Variants in BCL2L1 observed in about 807,000 individuals in gnomAD.
BCL2L1 encodes the protein BCL2 like 1.
BCL2L1 carries 1 observed loss-of-function variant against 18.7 expected under a neutral mutation model. The ratio of observed to expected loss-of-function variants is 0.05; its 90% CI spans 0.02 to 0.25. The LOEUF (loss-of-function observed/expected upper bound fraction) is 0.25. BCL2L1 is among the 10% of genes least tolerant of loss of function. BCL2L1 has a pLI of 1.00. For missense variants in BCL2L1, 207 were observed against 304.9 expected, an observed-to-expected ratio of 0.68 and a Z score of 2.39; for synonymous variants, 103 against 122.7, an observed-to-expected ratio of 0.84 and a Z score of 1.06.
intron 2 of BCL2L1, among the ~76,000 whole-genome samples, chr20:31,689,920 G>A (rs993476979): frequency 1.1e-4 from 16 of 152,230 alleles, no homozygotes; most frequent in African/African-American, 2.9e-4. Flanking sequence ...GGGAGGCTGA[G>A]GCAGGAGAAT....
At chr20:31,687,468 G>A (rs2060978607) in intron 2 of BCL2L1, among the ~76,000 whole-genome samples, 1 of 151,846 alleles carries the variant, frequency 6.6e-6, no homozygotes, top group African/African-American at 2.4e-5. Context: ...GAGGTCAGGA[G>A]ATCGAGACCA....
chr20:31,716,326 T>C (rs2061536578), intron 2 of BCL2L1, among the ~76,000 whole-genome samples: 1 of 152,176 alleles, frequency 6.6e-6, no homozygotes, highest in Admixed American at 6.5e-5. Flanking sequence ...ACATGCCCTA[T>C]GCCCCAACCT....
intron 2 of BCL2L1, among the ~76,000 whole-genome samples, chr20:31,696,476 G>A (rs984662846): frequency 6.6e-6 from 1 of 152,218 alleles, no homozygotes; most frequent in Admixed American, 6.5e-5. Flanking sequence ...GAAGGAGTAA[G>A]CCTGGGCAGT....
At chr20:31,683,333 C>T (rs1049486510) in intron 2 of BCL2L1, among the ~76,000 whole-genome samples, 4 of 152,186 alleles carry the variant, frequency 2.6e-5, no homozygotes, top group Non-Finnish European at 5.9e-5. Flanking sequence ...ATGGTTTCCT[C>T]CCTCAGACAG....
intron 2 of BCL2L1, among the ~76,000 whole-genome samples, chr20:31,687,550 G>A (rs1309517427): frequency 2.0e-5 from 3 of 151,652 alleles, no homozygotes; most frequent in African/African-American, 7.3e-5. Context: ...GGTGGCACGC[G>A]CCTGTAATCC....
At chr20:31,702,296 G>A (rs1302656624) in intron 2 of BCL2L1, among the ~76,000 whole-genome samples, 1 of 152,138 alleles carries the variant, frequency 6.6e-6, no homozygotes, top group Non-Finnish European at 1.5e-5. Context: ...AATGATGGAG[G>A]GGCAGCCAGG....
At chr20:31,717,083 T>C (rs770726679) in intron 2 of BCL2L1, among the ~76,000 whole-genome samples, 7 of 152,188 alleles carry the variant, frequency 4.6e-5, no homozygotes, top group African/African-American at 1.7e-4. Flanking sequence ...GGGCCTCTGC[T>C]TAATTAAGGC....
chr20:31,668,601 GC>G (rs908401126), intron 2 of BCL2L1, among the ~76,000 whole-genome samples: 1 of 141,960 alleles, frequency 7.0e-6, no homozygotes, highest in Non-Finnish European at 1.5e-5. Context: ...ACCATATCTG[GC>G]CTTTTTTTTT....
chr20:31,712,895 A>T (rs895065165), intron 2 of BCL2L1, among the ~76,000 whole-genome samples: 5 of 152,078 alleles, frequency 3.3e-5, no homozygotes, highest in Admixed American at 1.3e-4. Context: ...TCCTCAGATG[A>T]TTGTCCAACA....
At chr20:31,697,890 C>CTTTTTTTTTTTTTTTTTTTTTTTT (rs2061202499) in intron 2 of BCL2L1, among the ~76,000 whole-genome samples, 1 of 78,816 alleles carries the variant, frequency 1.3e-5, no homozygotes, top group African/African-American at 1.2e-4. Flanking sequence ...TGTGCTGTTG[C>CTTTTTTTTTTTTTTTTTTTTTTTT]TGTTTTTTTT....
chr20:31,694,911 C>T (rs1040540841), intron 2 of BCL2L1, among the ~76,000 whole-genome samples: 4 of 152,042 alleles, frequency 2.6e-5, no homozygotes, highest in African/African-American at 4.8e-5. Flanking sequence ...CTCAAAACAA[C>T]AACAAAAACA....
At position 31,708,618 on chromosome 20, in the gene BCL2L1, C is replaced by T. The variant is rs553398501; in HGVS notation, c.564+13037G>A. Among the ~76,000 whole-genome samples, 4 of 152,322 alleles carry T rather than the reference C, an allele frequency of 2.6e-5. No individual in the cohort carries two copies. The East Asian group carries it at 7.7e-4, about 29-fold the overall frequency. ...CACCTGCTCCCAAACTGACCCCTCC[C>T]CCCAGCTGAGCCCAGCTGTCAACGG... is the stretch of plus-strand genomic sequence containing the variant. On this transcript the variant is annotated intron_variant, in intron 2 of 2. Coordinates refer to ENST00000307677, the MANE Select transcript of BCL2L1 (RefSeq NM_138578.3).
intron 2 of BCL2L1, among the ~76,000 whole-genome samples, chr20:31,695,982 G>A (rs2061162126): frequency 6.6e-6 from 1 of 151,986 alleles, no homozygotes; most frequent in South Asian, 2.1e-4. Context: ...TTGTCACTAT[G>A]TTGCCCAGGT....
chr20:31,702,464 CT>C (rs1190588440), intron 2 of BCL2L1, among the ~76,000 whole-genome samples: 37 of 152,068 alleles, frequency 2.4e-4, no homozygotes, highest in African/African-American at 8.5e-4. Context: ...AACCCCATCT[CT>C]ACTAAAAATA....
chr20:31,708,739 G>A (rs531963267), intron 2 of BCL2L1, among the ~76,000 whole-genome samples: 2 of 152,338 alleles, frequency 1.3e-5, no homozygotes, highest in South Asian at 4.1e-4. Flanking sequence ...CAGAGAAGGA[G>A]CTGTGGGGCA....
chr20:31,720,662 G>A (rs2061608692), intron 2 of BCL2L1: 1 of 981,734 alleles, frequency 1.0e-6, no homozygotes, highest in Non-Finnish European at 1.2e-6. Context: ...TACACTGTAA[G>A]GCAAGGAGAG....
chr20:31,710,558 T>C (rs1409611583), intron 2 of BCL2L1, among the ~76,000 whole-genome samples: 1 of 152,196 alleles, frequency 6.6e-6, no homozygotes, highest in African/African-American at 2.4e-5. Context: ...GGATTGGCAA[T>C]GCAGTTGGCT....
In BCL2L1 at chr20:31,692,769, C is replaced by T. The variant is rs1055942289; in HGVS notation, c.565-26683G>A. 3.9e-5 allele frequency among the ~76,000 whole-genome samples: 6 copies of T among 152,126 alleles called. No individual in the cohort carries two copies. The East Asian group carries it at 5.8e-4, about 15-fold the overall frequency. On this transcript the variant is annotated intron_variant, in intron 2 of 2. Transcript: ENST00000307677. ...ACTAAAACTACAAAAATTAGCCAGG[C>T]GCAGTGGCAGGTGCCTGTAATCCCA...
At chr20:31,673,418 A>G (rs1289335671) in intron 2 of BCL2L1, among the ~76,000 whole-genome samples, 2 of 151,476 alleles carry the variant, frequency 1.3e-5, no homozygotes, top group Non-Finnish European at 1.5e-5. Flanking sequence ...CTGAGGCAGG[A>G]GGATTGCTTG....
Sources: allele counts gnomAD v4.1 joint callset (sites outside exome capture counted in the v4.1 genomes callset), GRCh38; gene constraint gnomAD v4.1.1; transcripts MANE v1.5; gene names NCBI Gene and HGNC (gene_info 2026-07-23, HGNC 2026-07-21).